HSD17B12: variants seen among roughly 807,000 people sequenced by gnomAD.
HSD17B12 encodes very-long-chain 3-oxoacyl-CoA reductase.
In HSD17B12, 32 loss-of-function variants were observed where a neutral mutation model predicts 39.3. The observed-to-expected ratio is 0.81, with a 90% CI of 0.61 to 1.09. The LOEUF (loss-of-function observed/expected upper bound fraction) is 1.09. Among genes scored for constraint, HSD17B12 ranks in the 50% least tolerant of loss-of-function variants. The pLI, the probability that HSD17B12 is intolerant of heterozygous loss-of-function variation, is 0.00. For missense variants in HSD17B12, 342 were observed against 382.9 expected, an observed-to-expected ratio of 0.89 and a Z score of 0.89; for synonymous variants, 150 against 146.7, an observed-to-expected ratio of 1.02 and a Z score of -0.16.
chr11:43,768,419 A>G (rs1475740336), intron 3 of HSD17B12, among the ~76,000 whole-genome samples: 1 of 152,182 alleles, frequency 6.6e-6, no homozygotes, highest in African/African-American at 2.4e-5. Flanking sequence ...CAGTAGCACA[A>G]TCTTGGTTCA....
chr11:43,652,104 G>A, the HSD17B12 span, among the ~76,000 whole-genome samples: 7 of 151,986 alleles, frequency 4.6e-5, no homozygotes, highest in Admixed American at 1.3e-4. Context: ...CAAAATACCA[G>A]GTAGCTTTTT....
At chr11:43,609,790 A>G in the HSD17B12 span, among the ~76,000 whole-genome samples, 312 of 152,270 alleles carry the variant, frequency 2.0e-3, 1 homozygote, top group African/African-American at 7.1e-3. Context: ...GAAGCAAGTC[A>G]TTTTCCCTCT....
At chr11:43,703,484 G>A (rs140939907) in intron 1 of HSD17B12, among the ~76,000 whole-genome samples, 16,873 of 152,162 alleles carry the variant, frequency 0.11, 1,283 homozygotes, top group Non-Finnish European at 0.15. Flanking sequence ...GTGAGCCACC[G>A]CGCCCGGCCA....
At chr11:43,580,665 C>G in the HSD17B12 span, among the ~76,000 whole-genome samples, 1 of 151,964 alleles carries the variant, frequency 6.6e-6, no homozygotes, top group South Asian at 2.1e-4. Context: ...CTCTCTTTCC[C>G]AATACATCGC....
At chr11:43,560,792 G>A in the HSD17B12 span, among the ~76,000 whole-genome samples, 7 of 152,034 alleles carry the variant, frequency 4.6e-5, no homozygotes, top group African/African-American at 1.7e-4. Flanking sequence ...CTGAGCCAAG[G>A]GCCCTGCAAC....
chr11:43,779,564 TTGTACTTTG>T (rs1950744457), intron 3 of HSD17B12, among the ~76,000 whole-genome samples: 1 of 152,214 alleles, frequency 6.6e-6, no homozygotes, highest in Admixed American at 6.5e-5. Context: ...TTGCTGTCTA[TTGTACTTTG>T]TGTAAAACAG....
intron 4 of HSD17B12, among the ~76,000 whole-genome samples, chr11:43,811,401 G>A (rs1256244899): frequency 6.6e-6 from 1 of 152,116 alleles, no homozygotes; most frequent in Non-Finnish European, 1.5e-5. Context: ...AGGACAAATC[G>A]CCATTGTGAC....
chr11:43,671,069 G>A, the HSD17B12 span, among the ~76,000 whole-genome samples: 2 of 152,092 alleles, frequency 1.3e-5, no homozygotes, highest in Non-Finnish European at 2.9e-5. Context: ...TATATTATTT[G>A]CCTTAAGTTT....
chr11:43,841,104 T>G (rs531111509), intron 9 of HSD17B12, among the ~76,000 whole-genome samples: 2 of 152,344 alleles, frequency 1.3e-5, no homozygotes, highest in East Asian at 3.9e-4. Context: ...ATTGTGGTTT[T>G]GATTTGCTTT....
At chr11:43,577,941 A>T in the HSD17B12 span, among the ~76,000 whole-genome samples, 1 of 152,222 alleles carries the variant, frequency 6.6e-6, no homozygotes, top group Non-Finnish European at 1.5e-5. Context: ...ACCCAGACTG[A>T]GATTCAGTGC....
the HSD17B12 span, chr11:43,584,760 T>C: frequency 6.6e-6 from 1 of 152,212 alleles, no homozygotes; most frequent in East Asian, 1.9e-4. Context: ...GATGATGAGA[T>C]ACAGGGAAGC....
intron 3 of HSD17B12, among the ~76,000 whole-genome samples, chr11:43,769,962 T>C (rs574349129): frequency 3.3e-5 from 5 of 152,348 alleles, no homozygotes; most frequent in African/African-American, 1.2e-4. Flanking sequence ...TCTCTACCAA[T>C]CCTTATTGCT....
Position 43,689,705 on chromosome 11 carries a change from C to A in HSD17B12, c.160+8718C>A, listed in dbSNP as rs113859557. On this transcript the variant is annotated intron_variant, in intron 1 of 10. Coordinates refer to ENST00000278353, the MANE Select transcript of HSD17B12 (RefSeq NM_016142.3). ...GGGACTACAGGCGAGTGCCACCACA[C>A]CCTGATAATTTTTTTGTATTTTTAT... Among the ~76,000 whole-genome samples the A allele has an allele frequency of 1.2e-4, 18 of 152,096 alleles. 2 individuals are homozygous for A. The highest frequency in any genetic ancestry group is 3.9e-4 in the African/African-American group (16 of 41,468).
At chr11:43,834,540 T>C (rs1450376611) in intron 7 of HSD17B12, among the ~76,000 whole-genome samples, 1 of 152,212 alleles carries the variant, frequency 6.6e-6, no homozygotes, top group Admixed American at 6.5e-5. Context: ...AACAGTGACT[T>C]ACTTCAAAGG....
chr11:43,734,651 C>T (rs1950300328), intron 1 of HSD17B12: 3 of 256,444 alleles, frequency 1.2e-5, no homozygotes, highest in African/African-American at 6.6e-5. Context: ...GCCCCCACCC[C>T]AGAAATCACT....
the HSD17B12 span, among the ~76,000 whole-genome samples, chr11:43,575,308 GGA>G: frequency 6.6e-6 from 1 of 152,248 alleles, no homozygotes; most frequent in Non-Finnish European, 1.5e-5. The surrounding 1 kb of genome is among the most constrained non-coding windows in gnomAD (Gnocchi z 4.1). Context: ...AGAGCAGGAG[GGA>G]GAGAGCGGGA....
chr11:43,717,483 TA>T (rs930939603), intron 1 of HSD17B12, among the ~76,000 whole-genome samples: 9 of 152,098 alleles, frequency 5.9e-5, no homozygotes, highest in South Asian at 2.1e-4. Context: ...ACTTAGTGAT[TA>T]AAAAAAATTA....
At chr11:43,784,433 C>A (rs72892479) in intron 3 of HSD17B12, among the ~76,000 whole-genome samples, 7,258 of 121,200 alleles carry the variant, frequency 0.06, 227 homozygotes, top group East Asian at 0.12. Context: ...TTCCTCCTGT[C>A]TTATAAACTA....
chr11:43,689,335 T>C (rs1415599807), intron 1 of HSD17B12, among the ~76,000 whole-genome samples: 2 of 152,156 alleles, frequency 1.3e-5, no homozygotes, highest in African/African-American at 4.8e-5. Flanking sequence ...GTCTCTCTAA[T>C]AACAAGTTTC....
Sources: allele counts gnomAD v4.1 joint callset (sites outside exome capture counted in the v4.1 genomes callset), GRCh38; gene constraint gnomAD v4.1.1; non-coding constraint Gnocchi (gnomAD v3.1); transcripts MANE v1.5; gene names NCBI Gene and HGNC (gene_info 2026-07-23, HGNC 2026-07-21).